Variants in TAF1 observed in about 807,000 individuals in gnomAD.
TAF1 encodes TATA-box binding protein associated factor 1.
TAF1 carries 2 observed loss-of-function variants against 138.5 expected under a neutral mutation model. The ratio of observed to expected loss-of-function variants is 0.01; its 90% CI spans 0.01 to 0.05. The LOEUF (loss-of-function observed/expected upper bound fraction) is 0.05, where lower values mean the gene tolerates loss of function less well. TAF1 is among the 10% of genes least tolerant of loss of function. The pLI is 1.00. For synonymous variants in TAF1, 437 were observed against 503.2 expected (o/e 0.87, Z 1.76); for missense variants, 709 against 1,478.0 (o/e 0.48, Z 8.53).
chrX:71,419,278 C>T (rs1320246935), intron 28 of TAF1, among the ~76,000 whole-genome samples: 1 of 110,340 alleles, frequency 9.1e-6, no homozygotes, highest in Non-Finnish European at 1.9e-5. Flanking sequence ...AAAAAAAATT[C>T]CCACCCCTGG....
At position 71,366,476 on chromosome X, in the gene TAF1, G is replaced by A. The variant is rs145514729; in HGVS notation, c.102G>A (p.Gly34=). ...TCAATGGAGCCGGGCAGCTGGAGGGGGAAAGCGTCTTGGATGATGTGAGGG... is the reference window on the plus strand; with the variant it reads ...TCAATGGAGCCGGGCAGCTGGAGGGAGAAAGCGTCTTGGATGATGTGAGGG... ...GNINGAGQLE[G]ESVLDDECKK... Residue 34 remains glycine, a synonymous_variant, in exon 1 of 38, where the codon GGG becomes GGA. Transcript: ENST00000423759. The A allele has an allele frequency of 4.7e-5, 55 of 1,166,373 alleles. No individual in the cohort carries two copies. The highest frequency in any genetic ancestry group is 6.2e-5 in the Non-Finnish European group (54 of 871,989).
intron 25 of TAF1, among the ~76,000 whole-genome samples, chrX:71,405,003 C>T (rs2035386628): frequency 1.0e-5 from 1 of 96,551 alleles, no homozygotes; most frequent in Admixed American, 1.2e-4. Flanking sequence ...GTCACCCAGG[C>T]TGGAGTGCAG....
rs759887633 is a variant in TAF1, at chrX:71,465,446, G to T, written c.*1400G>T. The T allele has an allele frequency of 7.1e-5, 8 of 111,979 alleles. No individual in the cohort carries two copies. The South Asian group carries it at 3.0e-3, about 42-fold the overall frequency. The allele number at this position is 111,979 out of a possible 1,213,427, so 9.2% of individuals were successfully genotyped here. A position where few individuals can be genotyped will look rare whatever the true frequency, so the allele number is the denominator to read the frequency against. On this transcript the variant is annotated 3_prime_UTR_variant, in exon 38 of 38. Coordinates refer to ENST00000423759, the MANE Select transcript of TAF1 (RefSeq NM_004606.5). Reference sequence around the variant, plus strand: ...TCCAGGCAAAGTGTAACATGAATGGGAAAGGCCACAGTCTAGAAATGGCAG... The same window carrying T: ...TCCAGGCAAAGTGTAACATGAATGGTAAAGGCCACAGTCTAGAAATGGCAG...
At chrX:71,500,572 G>A (rs1478106833) in intron 13 of TAF1, among the ~76,000 whole-genome samples, 5 of 72,391 alleles carry the variant, frequency 6.9e-5, no homozygotes, top group East Asian at 5.1e-4. Flanking sequence ...AACCCGCAAC[G>A]GCCCCTGGAC....
intron 15 of TAF1, 24 bp from the exon 16 acceptor site, chrX:71,388,213 A>G (rs767468181): frequency 5.0e-6 from 6 of 1,207,118 alleles, no homozygotes; most frequent in Non-Finnish European, 1.1e-6. Flanking sequence ...TTGCCAAATA[A>G]AATACACTTG....
intron 13 of TAF1, among the ~76,000 whole-genome samples, chrX:71,493,542 C>T (rs1045930561): frequency 2.2e-4 from 25 of 112,621 alleles, no homozygotes; most frequent in African/African-American, 6.1e-4. Flanking sequence ...GTAGAAATGT[C>T]GCAAGGTTTT....
chrX:71,402,503 C>T (rs749327884), intron 25 of TAF1, among the ~76,000 whole-genome samples: 80 of 111,784 alleles, frequency 7.2e-4, no homozygotes, highest in Non-Finnish European at 1.2e-3. Flanking sequence ...CCTCCCCAAG[C>T]GTTGGGATTA....
At position 71,509,735 on chromosome X, in the gene TAF1, G is replaced by C. The variant is rs867883345; in HGVS notation, c.1367-18807G>C. Among the ~76,000 whole-genome samples, 2 of 110,600 alleles carry C rather than the reference G, an allele frequency of 1.8e-5. 1 individual carries two copies. The highest frequency in any genetic ancestry group is 9.4e-3 in the Middle Eastern group (2 of 213). ...TGCCTTAATCCCAGTACTTTGGGAG[G>C]CTGAGGCATGTGGACAACTTGAGGC... On this transcript the variant is annotated intron_variant and NMD_transcript_variant, in intron 13 of 14. Coordinates refer to the TAF1 transcript ENST00000373775.
chrX:71,519,532 A>C (rs1214992887), intron 13 of TAF1, among the ~76,000 whole-genome samples: 1 of 97,131 alleles, frequency 1.0e-5, no homozygotes, highest in South Asian at 5.4e-4. Context: ...AGTCCCAGCT[A>C]CTCGGGAGGC....
chrX:71,478,645 A>G (rs779895376), intron 13 of TAF1, among the ~76,000 whole-genome samples: 2 of 111,946 alleles, frequency 1.8e-5, no homozygotes, highest in Admixed American at 1.9e-4. Flanking sequence ...GCTTGAGTCC[A>G]CGAGTTTGAG....
chrX:71,387,521 G>A (rs758116578), intron 15 of TAF1, 60 bp downstream of exon 15: 2 of 1,162,752 alleles, frequency 1.7e-6, no homozygotes, highest in African/African-American at 1.8e-5. Context: ...TGTTGGGGCC[G>A]GGCATGGCGG....
At chrX:71,475,741 A>T (rs1202112868) in intron 13 of TAF1, among the ~76,000 whole-genome samples, 1 of 111,387 alleles carries the variant, frequency 9.0e-6, no homozygotes, top group Non-Finnish European at 1.9e-5. Context: ...TCAATATAGT[A>T]AACATGTTGA....
intron 4 of TAF1, 77 bp from the exon 5 acceptor site, chrX:71,376,873 C>A (rs1165825477): frequency 8.5e-7 from 1 of 1,171,130 alleles, no homozygotes; most frequent in Non-Finnish European, 1.1e-6. Flanking sequence ...TGTGTATAGC[C>A]TAAAGTGGGT....
At chrX:71,390,416 A>G (rs181688302) in intron 18 of TAF1, among the ~76,000 whole-genome samples, 24 of 112,002 alleles carry the variant, frequency 2.1e-4, no homozygotes, top group African/African-American at 7.8e-4. Context: ...ACTCTCATCT[A>G]CAAGTTATTT....
intron 12 of TAF1, 55 bp downstream of exon 12, chrX:71,383,219 A>C: frequency 8.9e-7 from 1 of 1,124,559 alleles, no homozygotes; most frequent in Non-Finnish European, 1.2e-6. Flanking sequence ...GGTATAAATT[A>C]AGGGAATGTA....
At chrX:71,383,854 G>A in intron 12 of TAF1, 108 bp from the exon 13 acceptor site, 1 of 941,821 alleles carries the variant, frequency 1.1e-6, no homozygotes, top group Non-Finnish European at 1.4e-6. Flanking sequence ...TTATGAAATT[G>A]GAAAATAGGT....
chrX:71,501,051 G>A (rs1031676294), intron 13 of TAF1, among the ~76,000 whole-genome samples: 3 of 83,172 alleles, frequency 3.6e-5, no homozygotes, highest in Admixed American at 2.9e-4. Flanking sequence ...GGACAAGAAC[G>A]AGACTTCTCT....
intron 13 of TAF1, among the ~76,000 whole-genome samples, chrX:71,494,682 G>A (rs1481528754): frequency 8.9e-6 from 1 of 111,900 alleles, no homozygotes; most frequent in Non-Finnish European, 1.9e-5. Flanking sequence ...GTTCCTGCCG[G>A]TGGGTTCTTG....
At position 71,392,549 on chromosome X, in the gene TAF1, A is replaced by C; in HGVS notation, c.2782-20A>C. 1 of 1,142,014 alleles carries C rather than the reference A, an allele frequency of 8.8e-7. No individual in the cohort carries two copies. The highest frequency in any genetic ancestry group is 1.2e-6 in the Non-Finnish European group (1 of 864,181). The allele number at this position is 1,142,014 out of a possible 1,213,427, so 94.1% of individuals were successfully genotyped here. A position where few individuals can be genotyped will look rare whatever the true frequency, so the allele number is the denominator to read the frequency against. On this transcript the variant is annotated intron_variant, in intron 18 of 37. Transcript: ENST00000423759. ...AACAAATGTTTCCCACTGCCCTGAG[A>C]ATCTTTTTCTTTATCTCAGGTTCGC...
Sources: gnomAD v4.1 joint callset for allele counts (sites outside exome capture counted in the v4.1 genomes callset) on GRCh38, gnomAD v4.1.1 for gene constraint, MANE v1.5 for transcripts, NCBI Gene and HGNC (gene_info 2026-07-23, HGNC 2026-07-21) for gene names.